CHN1: variants seen among roughly 807,000 people sequenced by gnomAD.
The protein encoded by CHN1 is chimerin 1.
CHN1 carries 37 observed loss-of-function variants against 59.5 expected under a neutral mutation model. The ratio of observed to expected loss-of-function variants is 0.62; its 90% CI spans 0.48 to 0.82. CHN1 has a LOEUF of 0.82. Among genes scored for constraint, CHN1 ranks in the 40% least tolerant of loss-of-function variants. The probability of loss-of-function intolerance (pLI) is 0.00; values close to 1 mark genes in which losing one functional copy is unlikely to be tolerated. For missense variants in CHN1, 469 were observed against 571.0 expected (o/e 0.82, Z 1.82); for synonymous variants, 206 against 200.4 (o/e 1.03, Z -0.24).
Position 175,005,025 on chromosome 2 carries a change from G to C in CHN1, c.-113C>G, listed in dbSNP as rs1692019238. 1 of 1,437,774 alleles carries C rather than the reference G, an allele frequency of 7.0e-7. No homozygotes were observed. The highest frequency in any genetic ancestry group is 9.1e-7 in the Non-Finnish European group (1 of 1,094,982). The allele number at this position is 1,437,774 out of a possible 1,614,324, so 89.1% of individuals were successfully genotyped here. ...TCGGAGAGAGTGGGGTGCCCGATGG[G>C]GCGTGCTGGGGGCGCCGGCGCCCGG... On this transcript the variant is annotated 5_prime_UTR_variant, in exon 1 of 13. Transcript: ENST00000409900.
intron 8 of CHN1, among the ~76,000 whole-genome samples, chr2:174,814,251 A>G (rs1685168134): frequency 6.6e-6 from 1 of 152,208 alleles, no homozygotes; most frequent in Non-Finnish European, 1.5e-5. Flanking sequence ...AAGGAATGTC[A>G]GCTTGTGAAT....
chr2:174,907,999 T>C (rs527606965), intron 5 of CHN1, among the ~76,000 whole-genome samples: 2 of 152,354 alleles, frequency 1.3e-5, no homozygotes, highest in African/African-American at 4.8e-5. Context: ...CTTACGTTAT[T>C]GTCAGCATAA....
At chr2:174,943,931 A>G (rs1463099038) in intron 3 of CHN1, among the ~76,000 whole-genome samples, 1 of 152,174 alleles carries the variant, frequency 6.6e-6, no homozygotes, top group Non-Finnish European at 1.5e-5. Flanking sequence ...TGTTGAGATT[A>G]CTGGCATGAG....
At chr2:174,968,553 A>C (rs1448023229) in intron 1 of CHN1, among the ~76,000 whole-genome samples, 1 of 152,278 alleles carries the variant, frequency 6.6e-6, no homozygotes, top group Non-Finnish European at 1.5e-5. Context: ...ATAAGTTGCC[A>C]AGGGGCAAAA....
intron 1 of CHN1, among the ~76,000 whole-genome samples, chr2:175,003,601 A>G (rs577735532): frequency 2.0e-5 from 3 of 152,244 alleles, no homozygotes; most frequent in East Asian, 1.9e-4. Flanking sequence ...CTGCTATTAA[A>G]TAATGCTTAG....
chr2:174,867,850 T>C (rs1390327925), intron 6 of CHN1, among the ~76,000 whole-genome samples: 3 of 152,186 alleles, frequency 2.0e-5, no homozygotes, highest in African/African-American at 7.2e-5. Context: ...CAGCAGAATA[T>C]TATTAGTTAT....
intron 6 of CHN1, among the ~76,000 whole-genome samples, chr2:174,850,774 G>A (rs941451566): frequency 6.6e-6 from 1 of 152,078 alleles, no homozygotes; most frequent in Admixed American, 6.6e-5. Context: ...GGCATATAAT[G>A]GCATATAATG....
At chr2:174,847,934 A>C (rs943154506) in intron 6 of CHN1, among the ~76,000 whole-genome samples, 1 of 152,216 alleles carries the variant, frequency 6.6e-6, no homozygotes, top group Non-Finnish European at 1.5e-5. Context: ...CACCACTGCC[A>C]GGTAAATTAT....
At chr2:174,977,119 A>T (rs1015717692) in intron 1 of CHN1, among the ~76,000 whole-genome samples, 8 of 152,192 alleles carry the variant, frequency 5.3e-5, no homozygotes, top group Non-Finnish European at 8.8e-5. Context: ...AAGTTTCAGA[A>T]AGTAGATATT....
intron 8 of CHN1, among the ~76,000 whole-genome samples, chr2:174,814,479 G>T (rs1279751365): frequency 2.6e-5 from 4 of 152,102 alleles, no homozygotes; most frequent in Non-Finnish European, 5.9e-5. Flanking sequence ...AATGTTTTGG[G>T]TAACTTTTAT....
intron 1 of CHN1, among the ~76,000 whole-genome samples, chr2:174,973,724 C>T (rs1690832804): frequency 6.6e-6 from 1 of 152,112 alleles, no homozygotes; most frequent in South Asian, 2.1e-4. Context: ...AAGTGTGGGC[C>T]CTGGAAGTCT....
chr2:174,815,467 C>A (rs138600278), intron 8 of CHN1, among the ~76,000 whole-genome samples: 7 of 152,152 alleles, frequency 4.6e-5, no homozygotes, highest in Non-Finnish European at 1.0e-4. Flanking sequence ...TTCATCTTCA[C>A]TCTGTCATGT....
chr2:174,956,498 T>A (rs1383965269), intron 1 of CHN1, among the ~76,000 whole-genome samples: 1 of 151,880 alleles, frequency 6.6e-6, no homozygotes, highest in East Asian at 1.9e-4. Flanking sequence ...AGGCCGGGCG[T>A]GGTGGCTCAC....
At chr2:174,896,794 A>G (rs1164952100) in intron 5 of CHN1, among the ~76,000 whole-genome samples, 1 of 152,142 alleles carries the variant, frequency 6.6e-6, no homozygotes, top group Non-Finnish European at 1.5e-5. Context: ...TCCTGTTTCC[A>G]ACACCACTGT....
chr2:174,808,749 T>C (rs576265763), intron 11 of CHN1, among the ~76,000 whole-genome samples, 156 bp downstream of exon 11: 2 of 152,300 alleles, frequency 1.3e-5, no homozygotes, highest in South Asian at 2.1e-4. Flanking sequence ...TAATCTACGT[T>C]AGAGAACAAT....
At chr2:174,960,704 C>T (rs1309865023) in intron 1 of CHN1, among the ~76,000 whole-genome samples, 8 of 152,068 alleles carry the variant, frequency 5.3e-5, no homozygotes, top group Admixed American at 2.6e-4. Flanking sequence ...CACCTGTAGT[C>T]CCAGCTACTC....
At chr2:174,883,986 T>C (rs113616212) in intron 5 of CHN1, among the ~76,000 whole-genome samples, 1 of 148,342 alleles carries the variant, frequency 6.7e-6, no homozygotes, top group Non-Finnish European at 1.5e-5. Flanking sequence ...TTTTTTTTTT[T>C]AGACGTAGTC....
chr2:174,921,024 G>A (rs1387045356), intron 3 of CHN1: 1 of 419,490 alleles, frequency 2.4e-6, no homozygotes, highest in Non-Finnish European at 5.0e-6. Flanking sequence ...GCGTTCCCAT[G>A]AGTCTAATAT....
At chr2:174,896,465 G>C (rs1234146134) in intron 5 of CHN1, among the ~76,000 whole-genome samples, 2 of 152,098 alleles carry the variant, frequency 1.3e-5, no homozygotes, top group Admixed American at 1.3e-4. Flanking sequence ...AAAGCATATG[G>C]TGACATTTGG....
Sources: gnomAD v4.1 joint callset for allele counts (sites outside exome capture counted in the v4.1 genomes callset) on GRCh38, gnomAD v4.1.1 for gene constraint, MANE v1.5 for transcripts, NCBI Gene and HGNC (gene_info 2026-07-23, HGNC 2026-07-21) for gene names.